Variants in CX3CR1 observed in about 807,000 individuals in gnomAD.
CX3CR1 encodes the protein C-X3-C motif chemokine receptor 1, also known as CX3C chemokine receptor 1.
For synonymous variants in CX3CR1, 168 were observed against 178.5 expected (o/e 0.94, Z 0.47); for missense variants, 363 against 432.4 (o/e 0.84, Z 1.42).
chr3:39,290,952 AAC>A, the CX3CR1 span, among the ~76,000 whole-genome samples: 1 of 152,160 alleles, frequency 6.6e-6, no homozygotes, highest in Non-Finnish European at 1.5e-5. Context: ...ACAAAAAAAT[AAC>A]AGTCAGATAG....
chr3:39,292,689 G>A, the CX3CR1 span, among the ~76,000 whole-genome samples: 327 of 152,184 alleles, frequency 2.1e-3, no homozygotes, highest in African/African-American at 7.2e-3. Context: ...CTCATTTTAC[G>A]GATGAGGATA....
intron 1 of CX3CR1, among the ~76,000 whole-genome samples, chr3:39,274,149 G>T (rs1054283898): frequency 1.3e-5 from 2 of 152,116 alleles, no homozygotes; most frequent in Non-Finnish European, 2.9e-5. Context: ...TAGATAGAAA[G>T]GTTCTCAGTC....
upstream of CX3CR1, among the ~76,000 whole-genome samples, chr3:39,280,754 T>G (rs2040887576): frequency 6.6e-6 from 1 of 152,200 alleles, no homozygotes; most frequent in African/African-American, 2.4e-5. Context: ...ACTCTTGCCC[T>G]GCAGTGGGGA....
chr3:39,287,879 A>C, the CX3CR1 span: 1 of 152,214 alleles, frequency 6.6e-6, no homozygotes, highest in African/African-American at 2.4e-5. Flanking sequence ...CATGGCTATA[A>C]TTCCTGGATG....
chr3:39,274,396 C>A (rs1197120264), intron 1 of CX3CR1, among the ~76,000 whole-genome samples: 1 of 150,590 alleles, frequency 6.6e-6, no homozygotes, highest in Non-Finnish European at 1.5e-5. Flanking sequence ...TAGCAATGAG[C>A]CCATCTAGAA....
intron 1 of CX3CR1, among the ~76,000 whole-genome samples, chr3:39,278,643 T>C (rs897897582): frequency 7.3e-6 from 1 of 137,630 alleles, no homozygotes; most frequent in Non-Finnish European, 1.5e-5. Flanking sequence ...AAAATTAATT[T>C]TTTTTTCTTT....
upstream of CX3CR1, among the ~76,000 whole-genome samples, chr3:39,280,807 C>T (rs2040888488): frequency 1.3e-5 from 2 of 152,350 alleles, no homozygotes; most frequent in East Asian, 1.9e-4. Context: ...TGCTCCCTGG[C>T]CTGGCCAGCT....
upstream of CX3CR1, chr3:39,280,058 A>G: frequency 1.0e-6 from 1 of 984,358 alleles, no homozygotes; most frequent in East Asian, 1.1e-4. Context: ...CTCTAAGAGC[A>G]TTTTATTTGC....
chr3:39,281,636 C>T, upstream of CX3CR1: 1 of 1,599,356 alleles, frequency 6.3e-7, no homozygotes. Flanking sequence ...ACCCAGAAGC[C>T]AGAGAGCTCT....
At chr3:39,290,752 TC>T in the CX3CR1 span, among the ~76,000 whole-genome samples, 1 of 152,024 alleles carries the variant, frequency 6.6e-6, no homozygotes, top group Non-Finnish European at 1.5e-5. Context: ...AAACCTCGTC[TC>T]TAGTAAAAAT....
the CX3CR1 span, among the ~76,000 whole-genome samples, chr3:39,289,094 C>T: frequency 6.6e-6 from 1 of 151,686 alleles, no homozygotes; most frequent in African/African-American, 2.4e-5. Context: ...GTGGAGGTTG[C>T]AGTGAGCTGA....
upstream of CX3CR1, chr3:39,281,151 G>A: frequency 9.8e-7 from 1 of 1,020,504 alleles, no homozygotes; most frequent in Non-Finnish European, 1.2e-6. Context: ...GCAGTGCAGT[G>A]CTGCGGGCTT....
At chr3:39,279,841 C>A in intron 1 of CX3CR1, 113 bp downstream of exon 1, 1 of 335,050 alleles carries the variant, frequency 3.0e-6, no homozygotes, top group Non-Finnish European at 4.2e-6. Flanking sequence ...GCTACAACAT[C>A]CCCAGGAAAA....
At chr3:39,266,685 T>C in intron 1 of CX3CR1, 167 bp from the exon 2 acceptor site, 1 of 787,538 alleles carries the variant, frequency 1.3e-6, no homozygotes, top group Non-Finnish European at 2.3e-6. Flanking sequence ...CACAACAGTC[T>C]TGTGATGAAG....
chr3:39,280,872 C>T (rs143281285), upstream of CX3CR1, among the ~76,000 whole-genome samples: 4 of 152,372 alleles, frequency 2.6e-5, no homozygotes, highest in East Asian at 7.7e-4. Context: ...CTTCCGATCA[C>T]TTCATTACCT....
rs779021239 is a variant in CX3CR1, at chr3:39,266,249, C to G, written c.261G>C (p.Trp87Cys). Reference protein sequence around the residue: ...DLLFVATLPFWTHYLINEKGL... With the variant: ...DLLFVATLPFCTHYLINEKGL... ...CCTTTTCATTTATCAAATAGTGAGT[C>G]CAGAAGGGCAAAGTGGCTACAAACA... is the stretch of plus-strand genomic sequence containing the variant. Residue 87 changes from tryptophan to cysteine, a missense_variant, in exon 2 of 2, where the codon TGG becomes TGC. By Grantham distance (215) the Trp-to-Cys change is radical. Transcript: ENST00000399220. 6.2e-7 allele frequency: 1 copy of G among 1,614,144 alleles called. No homozygotes were observed. The highest frequency in any genetic ancestry group is 1.1e-5 in the South Asian group (1 of 91,062).
At chr3:39,290,894 C>G in the CX3CR1 span, among the ~76,000 whole-genome samples, 2 of 151,820 alleles carry the variant, frequency 1.3e-5, no homozygotes, top group Non-Finnish European at 2.9e-5. Context: ...GCACTCCAGC[C>G]TGGGGGGACA....
At position 39,265,937 on chromosome 3, in the gene CX3CR1, G is replaced by T. The variant is rs747017950; in HGVS notation, c.573C>A (p.Arg191=). The change falls in exon 2 of 2, where the codon CGC becomes CGA. Residue 191 remains arginine (R), a synonymous_variant. Transcript: ENST00000399220. ...AGCCAAGAAAATTTGTTTCCACATT[G>T]CGGAGCACGGGCCAGATTTCCTGGA... ...EVLQEIWPVL[R]NVETNFLGFL... 3 of 1,614,060 alleles carry T rather than the reference G, an allele frequency of 1.9e-6. No homozygotes were observed. Among genetic ancestry groups the T allele is most frequent in the Admixed American group, 1.7e-5 (1 of 60,002 alleles).
chr3:39,270,170 A>T (rs2040760115), intron 1 of CX3CR1, among the ~76,000 whole-genome samples: 1 of 152,214 alleles, frequency 6.6e-6, no homozygotes, highest in South Asian at 2.1e-4. Context: ...GGACTCGATG[A>T]CTATCAAACA....
Sources: gnomAD v4.1 joint callset for allele counts (sites outside exome capture counted in the v4.1 genomes callset) on GRCh38, gnomAD v4.1.1 for gene constraint, MANE v1.5 for transcripts, NCBI Gene and HGNC (gene_info 2026-07-23, HGNC 2026-07-21) for gene names.